The following PTPN13 variants were observed in gnomAD, a reference collection of about 807,000 sequenced individuals.
The protein encoded by PTPN13 is tyrosine-protein phosphatase non-receptor type 13.
Under a neutral mutation model 284.0 loss-of-function variants are expected in PTPN13, and 191 were observed. The observed-to-expected ratio is 0.67, with a 90% CI of 0.60 to 0.76. The LOEUF is 0.76. PTPN13 is among the 30% of genes least tolerant of loss of function. The pLI, the probability that PTPN13 is intolerant of heterozygous loss-of-function variation, is 0.00. For missense variants in PTPN13, 2,797 were observed against 2,939.9 expected, an observed-to-expected ratio of 0.95 and a Z score of 1.12; for synonymous variants, 986 against 1,022.3, an observed-to-expected ratio of 0.96 and a Z score of 0.68.
intron 2 of PTPN13, among the ~76,000 whole-genome samples, chr4:86,636,497 C>G (rs185861909): frequency 6.6e-6 from 1 of 152,038 alleles, no homozygotes; most frequent in Non-Finnish European, 1.5e-5. Flanking sequence ...ACATCAGACA[C>G]AAAAAAGCCT....
chr4:86,725,008 C>T (rs572169744), intron 10 of PTPN13, among the ~76,000 whole-genome samples: 1 of 149,250 alleles, frequency 6.7e-6, no homozygotes, highest in East Asian at 2.0e-4. Flanking sequence ...TGATGTTTCC[C>T]GCCCCGTGTC....
At chr4:86,644,376 G>A (rs1407397865) in intron 2 of PTPN13, among the ~76,000 whole-genome samples, 2 of 152,092 alleles carry the variant, frequency 1.3e-5, no homozygotes, top group Non-Finnish European at 2.9e-5. Context: ...CTGCCCTCAA[G>A]CGACCCGCTC....
intron 47 of PTPN13, among the ~76,000 whole-genome samples, chr4:86,813,991 AC>A (rs1745516887): frequency 7.9e-6 from 1 of 127,312 alleles, no homozygotes; most frequent in South Asian, 2.5e-4. Context: ...ACAATTCTAT[AC>A]CCTGCTTCTT....
At chr4:86,681,449 G>A (rs1031991807) in intron 3 of PTPN13, among the ~76,000 whole-genome samples, 11 of 152,200 alleles carry the variant, frequency 7.2e-5, no homozygotes, top group East Asian at 1.9e-4. Context: ...TAGAAGCCAC[G>A]GATCCTGCTA....
rs765316949 is a variant in PTPN13, at chr4:86,734,427, A to T, written c.1983A>T (p.Lys661Asn). The T allele has an allele frequency of 3.2e-6, 5 of 1,558,134 alleles. No individual in the cohort carries two copies. Among genetic ancestry groups the T allele is most frequent in the Non-Finnish European group, 4.3e-6 (5 of 1,149,782 alleles). The change falls in exon 13 of 48, where the codon AAA becomes AAT. Residue 661 changes from lysine (K) to asparagine (N), a missense_variant. By Grantham distance (94) the Lys-to-Asn change is moderately conservative (BLOSUM62 0). Coordinates refer to ENST00000411767, the MANE Select transcript of PTPN13 (RefSeq NM_080683.3). Reference sequence around the variant, plus strand: ...ATTTTACTTTGTTTTTCAGAATTAAATTTTTTATGGATGATGTTAGTCTAA... The same window carrying T: ...ATTTTACTTTGTTTTTCAGAATTAATTTTTTTATGGATGATGTTAGTCTAA... ...TVNFTLFFRI[K>N]FFMDDVSLIQ...
At chr4:86,697,107 A>G (rs1308430850) in intron 6 of PTPN13, among the ~76,000 whole-genome samples, 1 of 152,168 alleles carries the variant, frequency 6.6e-6, no homozygotes, top group Non-Finnish European at 1.5e-5. Flanking sequence ...AAAAAAAATT[A>G]TCTCTTGAAG....
chr4:86,791,124 T>G (rs1431968467), intron 40 of PTPN13, among the ~76,000 whole-genome samples: 2 of 152,044 alleles, frequency 1.3e-5, no homozygotes, highest in East Asian at 3.9e-4. Flanking sequence ...CCTGGAGAAA[T>G]GGTATACCCC....
intron 42 of PTPN13, among the ~76,000 whole-genome samples, chr4:86,801,892 A>G (rs1744076481): frequency 6.6e-6 from 1 of 152,158 alleles, no homozygotes; most frequent in African/African-American, 2.4e-5. Flanking sequence ...TGTTTTACTT[A>G]TGGTCACATT....
chr4:86,685,426 T>G (rs1001406498), intron 3 of PTPN13, among the ~76,000 whole-genome samples: 2 of 152,106 alleles, frequency 1.3e-5, no homozygotes, highest in African/African-American at 4.8e-5. Flanking sequence ...CTTGACAATA[T>G]AGTGAGATCC....
intron 44 of PTPN13, 35 bp downstream of exon 44, chr4:86,805,404 A>G (rs377639509): frequency 7.4e-7 from 1 of 1,343,850 alleles, no homozygotes; most frequent in Non-Finnish European, 1.0e-6. Context: ...TTAATATGTG[A>G]TCAGTATAAT....
At chr4:86,739,124 T>C (rs1735863514) in intron 15 of PTPN13, among the ~76,000 whole-genome samples, 1 of 152,228 alleles carries the variant, frequency 6.6e-6, no homozygotes, top group Non-Finnish European at 1.5e-5. Context: ...ATGCTTTTAG[T>C]GCCTGTATTT....
intron 7 of PTPN13, among the ~76,000 whole-genome samples, chr4:86,705,049 A>G (rs1731580438): frequency 6.6e-6 from 1 of 152,126 alleles, no homozygotes. Flanking sequence ...TTATGTTGCA[A>G]ACAAGGCTGG....
chr4:86,766,131 T>C (rs1005279688), intron 26 of PTPN13, among the ~76,000 whole-genome samples: 1 of 148,894 alleles, frequency 6.7e-6, no homozygotes, highest in African/African-American at 2.5e-5. Context: ...CCCAGCCTGA[T>C]ATCTACACTT....
In PTPN13 at chr4:86,803,729, G is replaced by A. The variant is rs775929516; in HGVS notation, c.6526G>A (p.Asp2176Asn). 13 of 1,613,360 alleles carry A rather than the reference G, an allele frequency of 8.1e-6. No homozygotes were observed. Among genetic ancestry groups the A allele is most frequent in the South Asian group, 7.7e-5 (7 of 91,040 alleles). ...ATTAGATCATTCCTTTCTGACAAAC[G>A]ATGAGCTCGCTGTACTCCCTGTCGT... ...SDKDHSFLTN[D>N]ELAVLPVVKV... Residue 2176 changes from aspartate (D) to asparagine (N), a missense_variant, in exon 43 of 48, where the codon GAT becomes AAT. Asp to Asn is a conservative substitution (Grantham distance 23). Transcript: ENST00000411767.
intron 2 of PTPN13, among the ~76,000 whole-genome samples, chr4:86,660,833 T>C (rs1726400927): frequency 6.6e-6 from 1 of 152,156 alleles, no homozygotes; most frequent in Non-Finnish European, 1.5e-5. Flanking sequence ...TTAAAACTAT[T>C]TTGACTTCAG....
Position 86,770,206 on chromosome 4 carries a change from C to G in PTPN13, c.4803+7C>G. ...AATTGATACTGCGCTTTTGGTGAGA[C>G]TTATGAAAAGTAATTTACAGTTTTA... On this transcript the variant is annotated splice_region_variant and intron_variant, in intron 30 of 47. Transcript: ENST00000411767. The G allele has an allele frequency of 6.2e-7, 1 of 1,607,004 alleles. No individual in the cohort carries two copies. The highest frequency in any genetic ancestry group is 8.5e-7 in the Non-Finnish European group (1 of 1,174,382).
intron 15 of PTPN13, among the ~76,000 whole-genome samples, chr4:86,739,713 C>G (rs1465250754): frequency 6.6e-6 from 1 of 152,126 alleles, no homozygotes; most frequent in African/African-American, 2.4e-5. Flanking sequence ...AGCATTAACC[C>G]AAAAGTCCAC....
chr4:86,750,581 C>G lies in PTPN13; in HGVS notation c.2762C>G (p.Ala921Gly). ...GCCAGCAGCACCCTCAACAAACTTG[C>G]TGTTCGACCTTTATCAGTTCAAGCT... ...SLASSTLNKL[A>G]VRPLSVQAEI... The change falls in exon 18 of 48, where the codon GCT becomes GGT. Residue 921 changes from alanine to glycine, a missense_variant. Coordinates refer to ENST00000411767, the MANE Select transcript of PTPN13 (RefSeq NM_080683.3). 6.2e-7 allele frequency: 1 copy of G among 1,613,942 alleles called. No individual in the cohort carries two copies. Among genetic ancestry groups the G allele is most frequent in the Non-Finnish European group, 8.5e-7 (1 of 1,179,866 alleles).
Position 86,750,475 on chromosome 4 carries a change from G to A in PTPN13, c.2656G>A (p.Ala886Thr). ...GCAATCCTATTTCCTTGTAGAGAGA[G>A]CTTCGTTTAGGAGCCTGAATCTCCA... is the stretch of plus-strand genomic sequence containing the variant. ...SNQDAQDIERASFRSLNLQAE... is the reference protein window; with the variant it reads ...SNQDAQDIERTSFRSLNLQAE... Residue 886 changes from alanine to threonine, a missense_variant, in exon 18 of 48, where the codon GCT (alanine) becomes ACT (threonine). Transcript: ENST00000411767. The A allele has an allele frequency of 6.2e-7, 1 of 1,611,342 alleles. No individual in the cohort carries two copies. The highest frequency in any genetic ancestry group is 1.7e-5 in the Admixed American group (1 of 59,686).
Sources: allele counts gnomAD v4.1 joint callset (sites outside exome capture counted in the v4.1 genomes callset), GRCh38; gene constraint gnomAD v4.1.1; transcripts MANE v1.5; gene names NCBI Gene and HGNC (gene_info 2026-07-23, HGNC 2026-07-21).